The following VPS8 variants were observed in gnomAD, a reference collection of about 807,000 sequenced individuals.
The protein encoded by VPS8 is VPS8 subunit of CORVET complex.
Under a neutral mutation model 216.4 loss-of-function variants are expected in VPS8, and 129 were observed. The observed-to-expected ratio is 0.60, with a 90% confidence interval of 0.52 to 0.69. The LOEUF (loss-of-function observed/expected upper bound fraction) is 0.69. Among genes scored for constraint, VPS8 ranks in the 30% least tolerant of loss-of-function variants. The pLI, the probability that VPS8 is intolerant of heterozygous loss-of-function variation, is 0.00. For missense variants in VPS8, 1,531 were observed against 1,683.5 expected (o/e 0.91, Z 1.59); for synonymous variants, 571 against 565.4 (o/e 1.01, Z -0.14).
intron 37 of VPS8, among the ~76,000 whole-genome samples, chr3:184,962,096 G>A (rs2109528522): frequency 6.6e-6 from 1 of 152,318 alleles, no homozygotes; most frequent in Admixed American, 6.5e-5. Flanking sequence ...TTTTATACAT[G>A]TAGATCTACT....
intron 47 of VPS8, among the ~76,000 whole-genome samples, chr3:185,050,725 C>T (rs934300045): frequency 1.3e-5 from 2 of 152,192 alleles, no homozygotes; most frequent in Non-Finnish European, 2.9e-5. Context: ...TGTTAGACAT[C>T]CCCTCGGACT....
intron 46 of VPS8, among the ~76,000 whole-genome samples, chr3:185,044,805 C>G (rs887781879): frequency 1.3e-5 from 2 of 152,140 alleles, no homozygotes; most frequent in Admixed American, 6.5e-5. Context: ...TTACCTAATT[C>G]ATTATTAGCT....
intron 45 of VPS8, among the ~76,000 whole-genome samples, chr3:185,020,401 T>C (rs1756475278): frequency 6.6e-6 from 1 of 152,166 alleles, no homozygotes; most frequent in African/African-American, 2.4e-5. Flanking sequence ...TTGCTTTGTT[T>C]GAGCTGTTAT....
chr3:184,957,588 C>A, intron 37 of VPS8, 67 bp downstream of exon 37: 6 of 1,470,524 alleles, frequency 4.1e-6, no homozygotes, highest in African/African-American at 1.4e-5. Flanking sequence ...GACAGATGAT[C>A]AAAGACAAGG....
At chr3:184,849,285 C>G (rs1015046445) in intron 9 of VPS8, 90 bp downstream of exon 9, 2 of 1,440,742 alleles carry the variant, frequency 1.4e-6, no homozygotes, top group Non-Finnish European at 1.9e-6. Flanking sequence ...GACCAAAATA[C>G]GTGTTATGAA....
chr3:184,915,225 A>G, intron 27 of VPS8, 130 bp from the exon 28 acceptor site: 1 of 1,354,214 alleles, frequency 7.4e-7, no homozygotes, highest in Non-Finnish European at 1.0e-6. Context: ...AATTTAAGAG[A>G]GAACTTAAAA....
At chr3:184,876,267 A>G (rs1560488543) in intron 21 of VPS8, among the ~76,000 whole-genome samples, 1 of 151,916 alleles carries the variant, frequency 6.6e-6, no homozygotes, top group Non-Finnish European at 1.5e-5. Flanking sequence ...ATTCTTCACA[A>G]TACCCTTCTA....
chr3:184,953,319 A>G (rs116358739), intron 36 of VPS8, among the ~76,000 whole-genome samples: 177 of 152,288 alleles, frequency 1.2e-3, no homozygotes, highest in Non-Finnish European at 1.4e-3. Flanking sequence ...AAATCACTAC[A>G]TGGAGGTTTT....
chr3:184,841,747 C>T (rs745693828), intron 7 of VPS8, among the ~76,000 whole-genome samples: 8 of 152,088 alleles, frequency 5.3e-5, no homozygotes, highest in Admixed American at 6.6e-5. Context: ...AAGAAACTTA[C>T]GAGGTCATTT....
chr3:184,825,659 T>C (rs770303911), intron 2 of VPS8, among the ~76,000 whole-genome samples: 2 of 152,176 alleles, frequency 1.3e-5, no homozygotes, highest in Admixed American at 6.5e-5. Flanking sequence ...TCCAGCACTT[T>C]ATGAGGCCGA....
rs1487911828 is a variant in VPS8 at position 184,940,216 on chromosome 3, A to C, written c.3008A>C (p.Lys1003Thr). 1 of 1,491,122 alleles carries C rather than the reference A, an allele frequency of 6.7e-7. No individual in the cohort carries two copies. Among genetic ancestry groups the C allele is most frequent in the Non-Finnish European group, 9.0e-7 (1 of 1,112,682 alleles). The allele number at this position is 1,491,122 out of a possible 1,614,324, so 92.4% of individuals were successfully genotyped here. Residue 1003 changes from lysine (K) to threonine (T), a missense_variant, in exon 36 of 48, where the codon AAA (lysine) becomes ACA (threonine). Physicochemically the swap from Lys to Thr is moderately conservative, Grantham distance 78 (BLOSUM62 -1). Transcript: ENST00000625842. ...GTTCAGAACCAGGTTTTGCTTTTCA[A>C]ATTTTTGAGGAGTCTTCTTGACCCA... ...KKLQNQVLLF[K>T]FLRSLLDPRE...
At chr3:184,835,511 T>G (rs1560312127) in intron 5 of VPS8, among the ~76,000 whole-genome samples, 1 of 152,134 alleles carries the variant, frequency 6.6e-6, no homozygotes, top group Non-Finnish European at 1.5e-5. Context: ...CTATCAGACT[T>G]TTCTTTTGAC....
chr3:184,997,924 C>G (rs139216705), intron 44 of VPS8, among the ~76,000 whole-genome samples: 1 of 152,054 alleles, frequency 6.6e-6, no homozygotes, highest in Non-Finnish European at 1.5e-5. Context: ...GTTTAAGTGA[C>G]GTTTGAGGGG....
chr3:184,972,958 A>G (rs1021893081), intron 40 of VPS8, among the ~76,000 whole-genome samples: 6 of 152,272 alleles, frequency 3.9e-5, no homozygotes, highest in African/African-American at 1.4e-4. Flanking sequence ...ACATGTTACA[A>G]TGAAAACAAT....
At chr3:184,945,175 A>C (rs114539371) in intron 36 of VPS8, among the ~76,000 whole-genome samples, 2,426 of 151,564 alleles carry the variant, frequency 0.016, 49 homozygotes, top group African/African-American at 0.055. Flanking sequence ...CTCTCTCTCT[A>C]TATATATATG....
intron 36 of VPS8, among the ~76,000 whole-genome samples, chr3:184,946,489 G>C (rs1464911811): frequency 1.3e-5 from 2 of 152,150 alleles, no homozygotes; most frequent in Non-Finnish European, 2.9e-5. Flanking sequence ...AACCAGCCTG[G>C]CTTCCTTTTC....
At chr3:184,884,179 C>T (rs1028817856) in intron 21 of VPS8, among the ~76,000 whole-genome samples, 2 of 152,068 alleles carry the variant, frequency 1.3e-5, no homozygotes, top group South Asian at 2.1e-4. Flanking sequence ...CCCATCAGCT[C>T]GTCATTTACA....
intron 46 of VPS8, among the ~76,000 whole-genome samples, chr3:185,034,487 T>G (rs1758597622): frequency 6.6e-6 from 1 of 152,182 alleles, no homozygotes; most frequent in Non-Finnish European, 1.5e-5. Flanking sequence ...TTAATTCTGT[T>G]ATTTGGTTTT....
At chr3:184,825,892 C>T (rs1405918697) in intron 2 of VPS8, among the ~76,000 whole-genome samples, 2 of 149,310 alleles carry the variant, frequency 1.3e-5, no homozygotes, top group Non-Finnish European at 3.0e-5. Flanking sequence ...CACAGCAAGA[C>T]TCTGTCTCAA....
Sources: gnomAD v4.1 joint callset for allele counts (sites outside exome capture counted in the v4.1 genomes callset) on GRCh38, gnomAD v4.1.1 for gene constraint, MANE v1.5 for transcripts, NCBI Gene and HGNC (gene_info 2026-07-23, HGNC 2026-07-21) for gene names.